Variants in HTR7 observed in about 807,000 individuals in gnomAD.
HTR7 encodes the protein 5-HT-7.
A neutral mutation model predicts 34.0 loss-of-function variants in HTR7; 16 were observed. The ratio of observed to expected loss-of-function variants is 0.47; its 90% confidence interval spans 0.32 to 0.71. The LOEUF (loss-of-function observed/expected upper bound fraction) is 0.71. Ranked by LOEUF, HTR7 falls within the 30% of genes least tolerant of loss-of-function variation. The pLI, the probability that HTR7 is intolerant of heterozygous loss-of-function variation, is 0.04. For synonymous variants in HTR7, 265 were observed against 260.2 expected (o/e 1.02, Z -0.18); for missense variants, 504 against 625.5 (o/e 0.81, Z 2.07).
chr10:90,844,635 G>A (rs1171627469), intron 1 of HTR7, among the ~76,000 whole-genome samples: 1 of 145,862 alleles, frequency 6.9e-6, no homozygotes, highest in Non-Finnish European at 1.5e-5. Context: ...GCTGAGGCAG[G>A]AGAATGGCAT....
chr10:90,850,038 C>T (rs967874707), intron 1 of HTR7, among the ~76,000 whole-genome samples: 1 of 152,208 alleles, frequency 6.6e-6, no homozygotes, highest in African/African-American at 2.4e-5. Flanking sequence ...CAGAGAGTTG[C>T]TAATAAGGGG....
At chr10:90,837,777 A>C (rs1189057132) in intron 1 of HTR7, among the ~76,000 whole-genome samples, 2 of 152,126 alleles carry the variant, frequency 1.3e-5, no homozygotes, top group Non-Finnish European at 2.9e-5. Context: ...AACTTCTTGG[A>C]AGAGTTGCTT....
chr10:90,855,572 T>C (rs1003023467), intron 1 of HTR7, among the ~76,000 whole-genome samples: 2 of 152,274 alleles, frequency 1.3e-5, no homozygotes, highest in African/African-American at 4.8e-5. Flanking sequence ...TTTGGTTGGC[T>C]GAGCAGTCAG....
chr10:90,836,928 G>A (rs1377595597), intron 1 of HTR7, among the ~76,000 whole-genome samples: 5 of 152,176 alleles, frequency 3.3e-5, no homozygotes, highest in Non-Finnish European at 7.3e-5. Context: ...TAGGGAGTCA[G>A]AGACAAATTC....
chr10:90,837,528 C>T (rs1026204736), intron 1 of HTR7, among the ~76,000 whole-genome samples: 1 of 152,220 alleles, frequency 6.6e-6, no homozygotes, highest in Non-Finnish European at 1.5e-5. Flanking sequence ...CTTGCCCTCT[C>T]AACATGCTAT....
At chr10:90,776,630 T>G (rs1202737872) in intron 1 of HTR7, among the ~76,000 whole-genome samples, 3 of 152,244 alleles carry the variant, frequency 2.0e-5, no homozygotes, top group African/African-American at 7.2e-5. Flanking sequence ...TTTGTTCTGT[T>G]TTTTAAATTT....
intron 1 of HTR7, among the ~76,000 whole-genome samples, chr10:90,776,830 A>C (rs1036406873): frequency 1.3e-5 from 2 of 152,224 alleles, no homozygotes; most frequent in African/African-American, 4.8e-5. Context: ...TTTGCTGATT[A>C]CAAAGGCTAC....
chr10:90,827,451 G>C (rs918299018), intron 1 of HTR7, among the ~76,000 whole-genome samples: 3 of 151,972 alleles, frequency 2.0e-5, no homozygotes, highest in African/African-American at 7.3e-5. Flanking sequence ...TTAAAAAACA[G>C]ACCCAGTGTT....
At chr10:90,854,075 C>T (rs1053166520) in intron 1 of HTR7, among the ~76,000 whole-genome samples, 2 of 152,192 alleles carry the variant, frequency 1.3e-5, no homozygotes, top group African/African-American at 4.8e-5. Flanking sequence ...TGAAGAAAGA[C>T]CATCAATAAG....
intron 1 of HTR7, among the ~76,000 whole-genome samples, chr10:90,833,035 G>A (rs1589473890): frequency 2.0e-5 from 3 of 152,200 alleles, no homozygotes; most frequent in Non-Finnish European, 4.4e-5. Flanking sequence ...GGTGGAGGAA[G>A]GTGGAGTAGA....
At chr10:90,767,082 T>C (rs745936191) in intron 1 of HTR7, among the ~76,000 whole-genome samples, 4 of 151,976 alleles carry the variant, frequency 2.6e-5, no homozygotes, top group South Asian at 2.1e-4. Context: ...TGCTCAGCAA[T>C]TGGGAAGAGC....
intron 1 of HTR7, among the ~76,000 whole-genome samples, chr10:90,832,189 T>C (rs929494650): frequency 6.6e-6 from 1 of 152,132 alleles, no homozygotes; most frequent in Non-Finnish European, 1.5e-5. Context: ...TCCTCAGCCC[T>C]TGGGTGGTGG....
intron 1 of HTR7, among the ~76,000 whole-genome samples, chr10:90,755,578 T>G (rs1018034227): frequency 6.6e-6 from 1 of 152,206 alleles, no homozygotes; most frequent in Non-Finnish European, 1.5e-5. Flanking sequence ...GGCCTAAAGT[T>G]TGAAAATTAC....
At chr10:90,765,151 T>A (rs1483375863) in intron 1 of HTR7, among the ~76,000 whole-genome samples, 1 of 152,170 alleles carries the variant, frequency 6.6e-6, no homozygotes, top group East Asian at 1.9e-4. Flanking sequence ...AGTGAAGTCA[T>A]CTGGCTCTGG....
In HTR7 at chr10:90,857,055, C is replaced by G. The variant is rs1846591735; in HGVS notation, c.539+78G>C. ...GCCTTGAAGTCTAGCTTGATCCTCC[C>G]AGGAAAGGCGAGCGCGCGGGGCTGA... On this transcript the variant is annotated intron_variant, in intron 1 of 3. Coordinates refer to ENST00000336152, the MANE Select transcript of HTR7 (RefSeq NM_019859.4). This position sits in a 1 kb window ranked among gnomAD's most constrained non-coding sequence, Gnocchi z 6.5. 9.7e-6 allele frequency: 13 copies of G among 1,343,330 alleles called. No individual in the cohort carries two copies. In the South Asian group the frequency reaches 1.9e-4, roughly 20 times the overall value. 83.2% of individuals were successfully genotyped at this position (1,343,330 alleles called of 1,614,324 possible). A position where few individuals can be genotyped will look rare whatever the true frequency, so the allele number is the denominator to read the frequency against.
intron 1 of HTR7, among the ~76,000 whole-genome samples, chr10:90,786,048 T>C (rs975733149): frequency 6.6e-6 from 1 of 152,238 alleles, no homozygotes; most frequent in Non-Finnish European, 1.5e-5. Flanking sequence ...ATACTGCTCA[T>C]TCCAAGCATT....
At chr10:90,815,656 CTGGCCATCA>C (rs1337668609) in intron 1 of HTR7, among the ~76,000 whole-genome samples, 1 of 152,070 alleles carries the variant, frequency 6.6e-6, no homozygotes, top group East Asian at 1.9e-4. Context: ...ATATGTGCAA[CTGGCCATCA>C]TGGCACACGT....
At chr10:90,762,866 T>G (rs1423123965) in intron 1 of HTR7, among the ~76,000 whole-genome samples, 1 of 152,198 alleles carries the variant, frequency 6.6e-6, no homozygotes, top group Non-Finnish European at 1.5e-5. Flanking sequence ...TATAGTTTTT[T>G]CAGCATCATT....
rs771205016 is a variant in HTR7, at chr10:90,749,357, G to A, written c.777C>T (p.Tyr259=). The A allele has an allele frequency of 1.2e-6, 2 of 1,614,188 alleles. No homozygotes were observed. Among genetic ancestry groups the A allele is most frequent in the Admixed American group, 1.7e-5 (1 of 60,012 alleles). Reference sequence around the variant, plus strand: ...TCCTGGCAGCCTTGTAAATCTGGTAGTACATGAAAAGCATGACGGACATGG... The same window carrying A: ...TCCTGGCAGCCTTGTAAATCTGGTAATACATGAAAAGCATGACGGACATGG... ...YIPMSVMLFM[Y]YQIYKAARKS... is the part of the protein sequence containing the mutation. Residue 259 remains tyrosine (Y), a synonymous_variant, in exon 2 of 4, where the codon TAC becomes TAT. Transcript: ENST00000336152. This position sits in a 1 kb window ranked among gnomAD's most constrained non-coding sequence, Gnocchi z 4.2.
Sources: gnomAD v4.1 joint callset for allele counts (sites outside exome capture counted in the v4.1 genomes callset) on GRCh38, gnomAD v4.1.1 for gene constraint, Gnocchi (gnomAD v3.1) non-coding constraint, MANE v1.5 for transcripts, NCBI Gene and HGNC (gene_info 2026-07-23, HGNC 2026-07-21) for gene names.